The following TXNRD3 variants were observed in gnomAD, a reference collection of about 807,000 sequenced individuals.
TXNRD3 encodes the protein TXNRD3 neighbor gene protein.
Under a neutral mutation model 78.2 loss-of-function variants are expected in TXNRD3, and 68 were observed. The observed-to-expected ratio is 0.87, with a 90% CI of 0.72 to 1.06. The LOEUF (loss-of-function observed/expected upper bound fraction) is 1.06, where lower values mean the gene tolerates loss of function less well. Among genes scored for constraint, TXNRD3 ranks in the 50% least tolerant of loss-of-function variants. TXNRD3 has a pLI of 0.00. For missense variants in TXNRD3, 751 were observed against 809.5 expected, an observed-to-expected ratio of 0.93 and a Z score of 0.88; for synonymous variants, 296 against 300.1, an observed-to-expected ratio of 0.99 and a Z score of 0.14.
At chr3:126,616,772 C>G (rs1447217031) in intron 12 of TXNRD3, among the ~76,000 whole-genome samples, 1 of 152,070 alleles carries the variant, frequency 6.6e-6, no homozygotes, top group Non-Finnish European at 1.5e-5. Flanking sequence ...CAAAGAAAAC[C>G]AAAACACCAC....
intron 1 of TXNRD3, among the ~76,000 whole-genome samples, chr3:126,649,912 G>A (rs1933331655): frequency 6.6e-6 from 1 of 152,210 alleles, no homozygotes; most frequent in Non-Finnish European, 1.5e-5. Flanking sequence ...AAGTTCTGTG[G>A]ATGGATGCTG....
intron 10 of TXNRD3, 119 bp downstream of exon 10, chr3:126,629,260 C>G (rs1205254410): frequency 1.3e-6 from 1 of 758,878 alleles, no homozygotes; most frequent in African/African-American, 1.8e-5. Context: ...TGATAATGCT[C>G]TTACAAAGAA....
Position 126,611,656 on chromosome 3 carries a change from C to A in TXNRD3, c.1633-524G>T, listed in dbSNP as rs1207197707. ...CCAATGCCTTGAGTGTACCTCTATGCCTCTTCAATCTGGCTCAGTCTTCTA... is the reference window on the plus strand; with the variant it reads ...CCAATGCCTTGAGTGTACCTCTATGACTCTTCAATCTGGCTCAGTCTTCTA... On this transcript the variant is annotated intron_variant, in intron 13 of 15. Transcript: ENST00000524230. 2.0e-5 allele frequency among the ~76,000 whole-genome samples: 3 copies of A among 152,258 alleles called. No individual in the cohort carries two copies. In the East Asian group the frequency reaches 5.8e-4, roughly 29 times the overall value.
intron 6 of TXNRD3, among the ~76,000 whole-genome samples, chr3:126,640,866 T>TTA (rs1559778285): frequency 7.8e-6 from 1 of 128,970 alleles, no homozygotes. Flanking sequence ...GTAACTTGTG[T>TTA]AAAAAAAAAA....
At chr3:126,649,229 T>C (rs1040421231) in intron 1 of TXNRD3, among the ~76,000 whole-genome samples, 3 of 152,184 alleles carry the variant, frequency 2.0e-5, no homozygotes, top group Non-Finnish European at 4.4e-5. Flanking sequence ...TGGCCAATAA[T>C]AAGCACGTGA....
chr3:126,608,664 C>T, intron 14 of TXNRD3, 31 bp from the exon 15 acceptor site: 1 of 1,526,984 alleles, frequency 6.5e-7, no homozygotes, highest in Non-Finnish European at 8.8e-7. Context: ...AAAGAGAATC[C>T]CAGTAGGTTA....
chr3:126,644,357 C>G lies in TXNRD3; in HGVS notation c.459G>C (p.Leu153Phe). The change falls in exon 4 of 16, where the codon TTG (leucine) becomes TTC (phenylalanine). Residue 153 changes from leucine to phenylalanine, a missense_variant. Coordinates refer to ENST00000524230, the MANE Select transcript of TXNRD3 (RefSeq NM_052883.3). ...TGATGATGAGATCATAATCATATGC[C>G]AAATCTTCCTGAAGGAGCTTCTGTA... The G allele has an allele frequency of 6.5e-7, 1 of 1,536,294 alleles. No individual in the cohort carries two copies. The highest frequency in any genetic ancestry group is 8.7e-7 in the Non-Finnish European group (1 of 1,146,928).
intron 13 of TXNRD3, among the ~76,000 whole-genome samples, chr3:126,614,403 T>C (rs1938266451): frequency 6.6e-6 from 1 of 152,328 alleles, no homozygotes; most frequent in South Asian, 2.1e-4. Flanking sequence ...CCTGACATCT[T>C]CCTACCTTAA....
intron 10 of TXNRD3, among the ~76,000 whole-genome samples, chr3:126,625,312 C>A (rs1233555481): frequency 1.8e-4 from 18 of 101,460 alleles, no homozygotes; most frequent in African/African-American, 5.9e-4. Context: ...CCCCTCCCCC[C>A]ACCCCACAAC....
chr3:126,643,856 T>C (rs902265181), intron 5 of TXNRD3, 125 bp downstream of exon 5: 15 of 928,650 alleles, frequency 1.6e-5, no homozygotes, highest in Middle Eastern at 2.2e-4. Context: ...TAGACTCGCT[T>C]GTTTTCTTAT....
chr3:126,649,240 A>G lies in TXNRD3; in HGVS notation c.244-1944T>C, dbSNP rs370127448. ...TAAATGGCCAATAATAAGCACGTGA[A>G]AAGTTGTTCATCATCACTAATCTTT... On this transcript the variant is annotated intron_variant, in intron 1 of 15. Coordinates refer to ENST00000524230, the MANE Select transcript of TXNRD3 (RefSeq NM_052883.3). Among the ~76,000 whole-genome samples the G allele has an allele frequency of 3.3e-5, 5 of 152,364 alleles. No individual in the cohort carries two copies. In the South Asian group the frequency reaches 1.0e-3, roughly 32 times the overall value.
rs1444254294 is a variant in TXNRD3 at position 126,637,932 on chromosome 3, C to CTCTTTTTTTTTT, written c.713-3882_713-3881insAAAAAAAAAAGA. ...CTTATTTTAACCTATATTTCTCTCT[C>CTCTTTTTTTTTT]TTTTTTTTTTTTTTTTTTTTTTTTT... On this transcript the variant is annotated intron_variant, in intron 6 of 15. Transcript: ENST00000524230. Among the ~76,000 whole-genome samples the CTCTTTTTTTTTT allele has an allele frequency of 9.3e-4, 56 of 60,250 alleles. 5 individuals are homozygous for CTCTTTTTTTTTT. Among genetic ancestry groups the CTCTTTTTTTTTT allele is most frequent in the East Asian group, 6.9e-3 (10 of 1,452 alleles). The allele number at this position is 60,250 out of a possible 152,430, so 39.5% of individuals were successfully genotyped here.
rs773097658 is a variant in TXNRD3, at chr3:126,615,316, AAG to A, written c.1632+37_1632+38del. ...ACCGCAAAGATAAATTGTTGATTAAAAGAGAATTTTTTAAGGAAGTAATAAAA... is the reference window on the plus strand; with the variant it reads ...ACCGCAAAGATAAATTGTTGATTAAAAGAATTTTTTAAGGAAGTAATAAAA... On this transcript the variant is annotated intron_variant, in intron 13 of 15. Coordinates refer to ENST00000524230, the MANE Select transcript of TXNRD3 (RefSeq NM_052883.3). 3 of 1,046,436 alleles carry A rather than the reference AAG, an allele frequency of 2.9e-6. No individual in the cohort carries two copies. In the South Asian group the frequency reaches 5.3e-5, roughly 18 times the overall value. The allele number at this position is 1,046,436 out of a possible 1,614,324, so 64.8% of individuals were successfully genotyped here.
chr3:126,611,960 T>C (rs1273645511), intron 13 of TXNRD3, among the ~76,000 whole-genome samples: 1 of 152,230 alleles, frequency 6.6e-6, no homozygotes, highest in African/African-American at 2.4e-5. Context: ...ATACAGTTAC[T>C]TGTAGCCAAA....
At chr3:126,644,812 A>C (rs777235) in intron 3 of TXNRD3, among the ~76,000 whole-genome samples, 119,564 of 152,178 alleles carry the variant, frequency 0.79, 48,267 homozygotes, top group Non-Finnish European at 0.89. Context: ...ATGCATTATC[A>C]GCAAATTTTG....
chr3:126,633,373 TA>T (rs1938770719), intron 7 of TXNRD3, among the ~76,000 whole-genome samples: 2 of 152,174 alleles, frequency 1.3e-5, no homozygotes, highest in Admixed American at 1.3e-4. Context: ...AAAAATAAAC[TA>T]GATGATGAGG....
rs986623198 is a variant in TXNRD3 at position 126,607,857 on chromosome 3, C to A, written c.*48G>T. ...TCATTTTATCCGAGAGCATTCTTAT[C>A]TTTGAGAGAAATGAGAATATGACAA... is the stretch of plus-strand genomic sequence containing the variant. On this transcript the variant is annotated 3_prime_UTR_variant, in exon 16 of 16. Coordinates refer to ENST00000524230, the MANE Select transcript of TXNRD3 (RefSeq NM_052883.3). The A allele has an allele frequency of 3.5e-6, 5 of 1,430,300 alleles. No individual in the cohort carries two copies. Among genetic ancestry groups the A allele is most frequent in the Middle Eastern group, 1.8e-4 (1 of 5,692 alleles). 88.6% of individuals were successfully genotyped at this position (1,430,300 alleles called of 1,614,324 possible).
intron 10 of TXNRD3, among the ~76,000 whole-genome samples, chr3:126,627,476 T>C (rs1202475820): frequency 1.3e-5 from 2 of 152,198 alleles, no homozygotes; most frequent in Non-Finnish European, 2.9e-5. Flanking sequence ...GTGGATTACA[T>C]GAACGTGGAC....
intron 9 of TXNRD3, 98 bp from the exon 10 acceptor site, chr3:126,629,569 TTGGTGGTGG>T: frequency 1.1e-6 from 1 of 902,776 alleles, no homozygotes. Context: ...ATTTGTGTGT[TTGGTGGTGG>T]TACATATAAT....
Sources: allele counts gnomAD v4.1 joint callset (sites outside exome capture counted in the v4.1 genomes callset), GRCh38; gene constraint gnomAD v4.1.1; transcripts MANE v1.5; gene names NCBI Gene and HGNC (gene_info 2026-07-23, HGNC 2026-07-21).